The following HMCN2 variants were observed in gnomAD, a reference collection of about 807,000 sequenced individuals.
HMCN2 encodes hemicentin-2.
Under a neutral mutation model 377.5 loss-of-function variants are expected in HMCN2, and 325 were observed. The ratio of observed to expected loss-of-function variants is 0.86; its 90% CI spans 0.79 to 0.94. HMCN2 has a LOEUF of 0.94. Among genes scored for constraint, HMCN2 ranks in the 40% least tolerant of loss-of-function variants. HMCN2 has a pLI of 0.00. For synonymous variants in HMCN2, 2,007 were observed against 2,046.8 expected, an observed-to-expected ratio of 0.98 and a Z score of 0.53; for missense variants, 4,543 against 4,725.3, an observed-to-expected ratio of 0.96 and a Z score of 1.13.
chr9:130,376,843 C>T (rs1157534532), intron 52 of HMCN2, among the ~76,000 whole-genome samples, 185 bp downstream of exon 52: 1 of 152,176 alleles, frequency 6.6e-6, no homozygotes, highest in African/African-American at 2.4e-5. Flanking sequence ...GTCACCAAGG[C>T]TGGAGTGCAG....
Position 130,349,028 on chromosome 9 carries a change from C to T in HMCN2, c.4200C>T (p.Ser1400=). 4.6e-6 allele frequency: 6 copies of T among 1,304,214 alleles called. No individual in the cohort carries two copies. Among genetic ancestry groups the T allele is most frequent in the Non-Finnish European group, 6.1e-6 (6 of 988,936 alleles). The allele number at this position is 1,304,214 out of a possible 1,614,324, so 80.8% of individuals were successfully genotyped here. Residue 1400 remains serine (S), a synonymous_variant, in exon 28 of 98, where the codon TCC becomes TCT. Transcript: ENST00000683500. ...GGHRLLDEGQ[S]LHFPRIQEGD... ...ACCGCCTCCTGGACGAGGGCCAGTC[C>T]CTCCACTTCCCCAGGATCCAGGAGG...
Position 130,400,797 on chromosome 9 carries a change from G to A in HMCN2, c.11620G>A (p.Ala3874Thr). The part of the protein sequence containing the change: ...QVTVHVPPTI[A>T]DDQTDFTVTM... ...TTGGGTTTTAGTGCCTCCCACCATT[G>A]CCGATGACCAGACAGACTTCACCGT... The change falls in exon 77 of 98, where the codon GCC (alanine) becomes ACC (threonine). Residue 3874 changes from alanine to threonine, a missense_variant. By Grantham distance (58) the Ala-to-Thr change is moderately conservative (BLOSUM62 0). Around this residue, in one of 5 missense-constraint regions of HMCN2, gnomAD observed 1,073 missense variants for 1,319.5 expected, o/e 0.81. Transcript: ENST00000683500. 7.8e-7 allele frequency: 1 copy of A among 1,287,264 alleles called. No individual in the cohort carries two copies. The allele number at this position is 1,287,264 out of a possible 1,614,324, so 79.7% of individuals were successfully genotyped here. A position where few individuals can be genotyped will look rare whatever the true frequency, so the allele number is the denominator to read the frequency against.
At chr9:130,370,443 C>T (rs1247447513) in intron 45 of HMCN2, among the ~76,000 whole-genome samples, 1 of 149,802 alleles carries the variant, frequency 6.7e-6, no homozygotes, top group Non-Finnish European at 1.5e-5. Context: ...GAGAGGTGGG[C>T]GGGGATCAGT....
At position 130,354,959 on chromosome 9, in the gene HMCN2, G is replaced by A. The variant is rs529188079; in HGVS notation, c.5061G>A (p.Pro1687=). Residue 1687 remains proline (P), a synonymous_variant, in exon 32 of 98, where the codon CCG becomes CCA. Coordinates refer to ENST00000683500, the MANE Select transcript of HMCN2 (RefSeq NM_001291815.2). ...GGAGTGTGCTGAGGCTGGAGAGCCC[G>A]GGGGAGGCATCCAGTGGCCTGTACA... ...TDGSVLRLES[P]GEASSGLYSC... is the part of the protein sequence containing the mutation. 2.3e-5 allele frequency: 30 copies of A among 1,301,998 alleles called. No homozygotes were observed. Among genetic ancestry groups the A allele is most frequent in the South Asian group, 3.7e-5 (3 of 80,998 alleles). The allele number at this position is 1,301,998 out of a possible 1,614,324, so 80.7% of individuals were successfully genotyped here.
rs1199453110 is a variant in HMCN2, at chr9:130,330,041, C to A, written c.3359+2566C>A. Reference sequence around the variant, plus strand: ...TTCCCTTTCCCTCCTCCTCCCCTTCCCCTCCCTTCCCCTCTCCCTTGTCTT... The same window carrying A: ...TTCCCTTTCCCTCCTCCTCCCCTTCACCTCCCTTCCCCTCTCCCTTGTCTT... On this transcript the variant is annotated intron_variant, in intron 22 of 97. Transcript: ENST00000683500. Among the ~76,000 whole-genome samples, 13 of 151,608 alleles carry A rather than the reference C, an allele frequency of 8.6e-5. No homozygotes were observed. In the East Asian group the frequency reaches 2.5e-3, roughly 30 times the overall value.
chr9:130,393,302 G>C lies in HMCN2; in HGVS notation c.10227G>C (p.Gln3409His). ...AGVADRNFTLQVQVPPVLEPV... is the reference protein window; with the variant it reads ...AGVADRNFTLHVQVPPVLEPV... ...TGGCGGACAGGAACTTCACCTTGCA[G>C]GTGCAGGGTATGGAGCAGGGGGTGG... The change falls in exon 67 of 98, where the codon CAG (glutamine) becomes CAC (histidine). Residue 3409 changes from glutamine (Q) to histidine (H), a missense_variant. Gln to His is a conservative substitution (Grantham distance 24). This residue lies in a region of HMCN2 where 1,073 missense variants were observed against 1,319.5 expected (regional missense o/e 0.81). Transcript: ENST00000683500. This position sits in a 1 kb window ranked among gnomAD's most constrained non-coding sequence, Gnocchi z 5.2. 1 of 988,708 alleles carries C rather than the reference G, an allele frequency of 1.0e-6. No individual in the cohort carries two copies. The highest frequency in any genetic ancestry group is 1.2e-6 in the Non-Finnish European group (1 of 830,528). 61.2% of individuals were successfully genotyped at this position (988,708 alleles called of 1,614,324 possible).
chr9:130,335,665 GTGA>G (rs1392511414), intron 22 of HMCN2, among the ~76,000 whole-genome samples: 6 of 152,124 alleles, frequency 3.9e-5, no homozygotes, highest in African/African-American at 7.2e-5. Flanking sequence ...CTTTGTGTGT[GTGA>G]TATCAGTTCA....
At chr9:130,376,033 G>A (rs866653713) in intron 51 of HMCN2, 44 bp downstream of exon 51, 23 of 892,756 alleles carry the variant, frequency 2.6e-5, no homozygotes, top group East Asian at 1.2e-4. Flanking sequence ...GCAGAAGACC[G>A]CCCGGGAACC....
At chr9:130,419,900 C>T (rs1279080221) in intron 86 of HMCN2, among the ~76,000 whole-genome samples, 1 of 152,090 alleles carries the variant, frequency 6.6e-6, no homozygotes, top group Middle Eastern at 3.2e-3. Flanking sequence ...ATGTGGGACC[C>T]TTTCTGGCCG....
chr9:130,369,958 C>G lies in HMCN2; in HGVS notation c.7069+107C>G, dbSNP rs1408030016. ...TCAGGCTGTGATCCTGGGGTCACAC[C>G]TGTTCTTTCTGGAGTCAGGGCTCTA... is the stretch of plus-strand genomic sequence containing the variant. On this transcript the variant is annotated intron_variant, in intron 45 of 97. Transcript: ENST00000683500. The surrounding 1 kb of genome is among the most constrained non-coding windows in gnomAD (Gnocchi z 4.5). 1 of 622,654 alleles carries G rather than the reference C, an allele frequency of 1.6e-6. No homozygotes were observed. The highest frequency in any genetic ancestry group is 2.0e-5 in the African/African-American group (1 of 50,308). The allele number at this position is 622,654 out of a possible 1,614,324, so 38.6% of individuals were successfully genotyped here.
chr9:130,355,582 C>A (rs970334295), intron 32 of HMCN2, among the ~76,000 whole-genome samples, 164 bp from the exon 33 acceptor site: 1 of 152,204 alleles, frequency 6.6e-6, no homozygotes, highest in Admixed American at 6.5e-5. Context: ...TCCCCTTACC[C>A]GCCTTGGGTG....
Position 130,433,347 on chromosome 9 carries a change from G to A in HMCN2, c.14895-1G>A, listed in dbSNP as rs12684793. 4 of 1,445,426 alleles carry A rather than the reference G, an allele frequency of 2.8e-6. No individual in the cohort carries two copies. The highest frequency in any genetic ancestry group is 3.6e-6 in the Non-Finnish European group (4 of 1,107,316). The allele number at this position is 1,445,426 out of a possible 1,614,324, so 89.5% of individuals were successfully genotyped here. A position where few individuals can be genotyped will look rare whatever the true frequency, so the allele number is the denominator to read the frequency against. ...TGTCCGTGTGTCTGTGCCGCCCGCA[G>A]GACGTGCTTCCGGCGCTGCTCGCAG... On this transcript the variant is annotated splice_acceptor_variant, in intron 97 of 97. Transcript: ENST00000683500. LOFTEE classifies it high-confidence loss of function.
chr9:130,345,962 TC>T (rs1839369736), intron 25 of HMCN2, among the ~76,000 whole-genome samples: 1 of 151,956 alleles, frequency 6.6e-6, no homozygotes, highest in South Asian at 2.1e-4. Flanking sequence ...TACTGGTCCT[TC>T]CAAGGATGAA....
chr9:130,404,405 GCTC>G (rs549503480), intron 80 of HMCN2, among the ~76,000 whole-genome samples: 1 of 152,280 alleles, frequency 6.6e-6, no homozygotes, highest in South Asian at 2.1e-4. Flanking sequence ...TGTCCAGCGT[GCTC>G]CTCTCCCCTG....
intron 19 of HMCN2, 24 bp downstream of exon 19, chr9:130,321,955 G>A (rs992975022): frequency 3.3e-5 from 5 of 152,288 alleles, no homozygotes; most frequent in African/African-American, 1.2e-4. Context: ...TCTCGGAGGT[G>A]GTGGTCGTGG....
intron 66 of HMCN2, among the ~76,000 whole-genome samples, chr9:130,392,751 C>G (rs1842385701): frequency 6.6e-6 from 1 of 152,060 alleles, no homozygotes; most frequent in African/African-American, 2.4e-5. Context: ...TAATCCAGCA[C>G]TTTGGGAGGC....
chr9:130,432,814 A>C, intron 97 of HMCN2: 1 of 534,830 alleles, frequency 1.9e-6, no homozygotes, highest in South Asian at 2.2e-5. Context: ...CACCAAACCC[A>C]TCTCCTCCAC....
Position 130,369,977 on chromosome 9 carries a change from G to T in HMCN2, c.7069+126G>T, listed in dbSNP as rs1024067050. ...TCACACCTGTTCTTTCTGGAGTCAG[G>T]GCTCTAATGAGAGCTGCTGGTGGGG... On this transcript the variant is annotated intron_variant, in intron 45 of 97. Coordinates refer to ENST00000683500, the MANE Select transcript of HMCN2 (RefSeq NM_001291815.2). This position sits in a 1 kb window ranked among gnomAD's most constrained non-coding sequence, Gnocchi z 4.5. The T allele has an allele frequency of 6.0e-6, 3 of 495,940 alleles. No homozygotes were observed. Among genetic ancestry groups the T allele is most frequent in the Non-Finnish European group, 7.8e-6 (3 of 382,512 alleles). The allele number at this position is 495,940 out of a possible 1,614,324, so 30.7% of individuals were successfully genotyped here.
rs572765746 is a variant in HMCN2, at chr9:130,433,677, C to T, written c.15224C>T (p.Ser5075Phe). ...GTCTTCGTCTTGCTCATCGCCGTGT[C>T]CCCCTACCCCTACTAAACGGGAGAG... ...QSVFVLLIAV[S>F]PYPY The change falls in exon 98 of 98, where the codon TCC becomes TTC. Residue 5075 changes from serine (S) to phenylalanine (F), a missense_variant. Physicochemically the swap from Ser to Phe is radical, Grantham distance 155. Transcript: ENST00000683500. 4.7e-6 allele frequency: 7 copies of T among 1,493,610 alleles called. No homozygotes were observed. Among genetic ancestry groups the T allele is most frequent in the South Asian group, 3.9e-5 (3 of 76,890 alleles). The allele number at this position is 1,493,610 out of a possible 1,614,324, so 92.5% of individuals were successfully genotyped here. A position where few individuals can be genotyped will look rare whatever the true frequency, so the allele number is the denominator to read the frequency against.
Sources: allele counts gnomAD v4.1 joint callset (sites outside exome capture counted in the v4.1 genomes callset), GRCh38; gene constraint gnomAD v4.1.1; regional missense constraint gnomAD v4.1.1; non-coding constraint Gnocchi (gnomAD v3.1); transcripts MANE v1.5; gene names NCBI Gene and HGNC (gene_info 2026-07-23, HGNC 2026-07-21).